The following ADAMTSL1 variants were observed in gnomAD, a reference collection of about 807,000 sequenced individuals.
ADAMTSL1 encodes ADAMTS-like protein 1.
In ADAMTSL1, 126 loss-of-function variants were observed where a neutral mutation model predicts 201.8. The ratio of observed to expected loss-of-function variants is 0.62; its 90% CI spans 0.54 to 0.72. ADAMTSL1 has a LOEUF of 0.72. Among genes scored for constraint, ADAMTSL1 ranks in the 30% least tolerant of loss-of-function variants. The pLI is 0.00. For missense variants in ADAMTSL1, 2,679 were observed against 2,277.8 expected (o/e 1.18, Z -3.59); for synonymous variants, 1,121 against 903.4 (o/e 1.24, Z -4.32).
intron 2 of ADAMTSL1, among the ~76,000 whole-genome samples, chr9:18,215,164 T>C (rs913183285): frequency 1.3e-5 from 2 of 152,220 alleles, no homozygotes; most frequent in Non-Finnish European, 2.9e-5. Flanking sequence ...GATTATGTTA[T>C]ATTTGAACAT....
chr9:18,746,935 A>T (rs1011117236), intron 15 of ADAMTSL1, among the ~76,000 whole-genome samples: 4 of 152,186 alleles, frequency 2.6e-5, no homozygotes, highest in African/African-American at 9.7e-5. Flanking sequence ...GCCTTTGCCC[A>T]TTTGGCTGCC....
At chr9:18,736,542 GA>G (rs1454695854) in intron 15 of ADAMTSL1, among the ~76,000 whole-genome samples, 2 of 152,140 alleles carry the variant, frequency 1.3e-5, no homozygotes, top group Non-Finnish European at 2.9e-5. Flanking sequence ...CCTTGATCTA[GA>G]AAAGAAAAAG....
chr9:18,151,937 A>G (rs908539302), intron 1 of ADAMTSL1, among the ~76,000 whole-genome samples: 1 of 152,068 alleles, frequency 6.6e-6, no homozygotes, highest in Non-Finnish European at 1.5e-5. Context: ...GAGTCAGTCA[A>G]GGTGGAAATA....
At chr9:18,003,591 T>C (rs1010649899) in intron 1 of ADAMTSL1, among the ~76,000 whole-genome samples, 5 of 152,086 alleles carry the variant, frequency 3.3e-5, no homozygotes, top group Non-Finnish European at 7.4e-5. Flanking sequence ...GTGTGGATGC[T>C]TGATGATAAA....
At chr9:18,666,018 A>G (rs981498529) in intron 9 of ADAMTSL1, among the ~76,000 whole-genome samples, 1 of 152,176 alleles carries the variant, frequency 6.6e-6, no homozygotes, top group Non-Finnish European at 1.5e-5. Context: ...TATACAGTAG[A>G]TACTTGGCAT....
chr9:18,104,534 C>T (rs539175909), intron 1 of ADAMTSL1, among the ~76,000 whole-genome samples: 1 of 152,190 alleles, frequency 6.6e-6, no homozygotes, highest in African/African-American at 2.4e-5. Context: ...GGGAGCTAAA[C>T]AGTAGGTACA....
chr9:18,343,537 A>G (rs1239346760), intron 2 of ADAMTSL1, among the ~76,000 whole-genome samples: 1 of 152,200 alleles, frequency 6.6e-6, no homozygotes, highest in Non-Finnish European at 1.5e-5. Context: ...CCTAGGGAAT[A>G]TATTTGTGTC....
chr9:18,680,892 T>C (rs1320719147), intron 11 of ADAMTSL1: 2 of 246,348 alleles, frequency 8.1e-6, no homozygotes, highest in South Asian at 6.0e-5. Flanking sequence ...GTATGTATTA[T>C]GCTTTGTATC....
intron 3 of ADAMTSL1, among the ~76,000 whole-genome samples, chr9:18,571,694 C>T (rs1016136335): frequency 1.3e-5 from 2 of 152,066 alleles, no homozygotes; most frequent in African/African-American, 2.4e-5. Context: ...AGGAAGGCTA[C>T]GTGTAGAGTT....
At chr9:18,582,461 A>T (rs1175688440) in intron 4 of ADAMTSL1, among the ~76,000 whole-genome samples, 1 of 152,288 alleles carries the variant, frequency 6.6e-6, no homozygotes, top group Non-Finnish European at 1.5e-5. Flanking sequence ...TGTGGGAGGA[A>T]CCCGGTGGGA....
At chr9:18,537,631 G>A (rs114921792) in intron 3 of ADAMTSL1, among the ~76,000 whole-genome samples, 2,340 of 152,148 alleles carry the variant, frequency 0.015, 45 homozygotes, top group African/African-American at 0.048. Context: ...ATGTTTTGGG[G>A]GTGGAGGGGT....
intron 2 of ADAMTSL1, among the ~76,000 whole-genome samples, chr9:18,271,189 A>G (rs999430388): frequency 2.0e-5 from 3 of 152,168 alleles, no homozygotes; most frequent in Non-Finnish European, 2.9e-5. Context: ...ATATACATAT[A>G]TATTTATTAT....
chr9:18,785,887 G>C (rs1370431948), intron 19 of ADAMTSL1, among the ~76,000 whole-genome samples: 1 of 152,132 alleles, frequency 6.6e-6, no homozygotes, highest in Non-Finnish European at 1.5e-5. Context: ...TACCAAATTA[G>C]GAAAAATTAC....
intron 25 of ADAMTSL1, among the ~76,000 whole-genome samples, chr9:18,890,974 C>G (rs1449293444): frequency 6.6e-6 from 1 of 152,084 alleles, no homozygotes; most frequent in Non-Finnish European, 1.5e-5. Context: ...TTTCAATGCC[C>G]CCGGGAGTTT....
At chr9:18,422,177 T>G (rs1399317949) in intron 2 of ADAMTSL1, among the ~76,000 whole-genome samples, 1 of 152,126 alleles carries the variant, frequency 6.6e-6, no homozygotes, top group Non-Finnish European at 1.5e-5. Flanking sequence ...TATTGAATAA[T>G]GTCATACACA....
chr9:18,820,738 C>T (rs1824159946), intron 21 of ADAMTSL1, among the ~76,000 whole-genome samples: 1 of 152,212 alleles, frequency 6.6e-6, no homozygotes, highest in Non-Finnish European at 1.5e-5. Flanking sequence ...GAAGCATCAA[C>T]AGCATTAGGC....
chr9:18,489,187 G>T (rs1033511177), intron 1 of ADAMTSL1, among the ~76,000 whole-genome samples: 9 of 152,078 alleles, frequency 5.9e-5, no homozygotes, highest in Admixed American at 3.3e-4. Flanking sequence ...TATTTAAAGG[G>T]TTCCAAAAAC....
chr9:18,017,448 G>T (rs1820305970), intron 1 of ADAMTSL1, among the ~76,000 whole-genome samples: 1 of 151,802 alleles, frequency 6.6e-6, no homozygotes, highest in Non-Finnish European at 1.5e-5. Flanking sequence ...GAAGCCTGTT[G>T]GGAAAAATTA....
chr9:18,879,933 A>C (rs1332336106), intron 23 of ADAMTSL1, among the ~76,000 whole-genome samples: 1 of 152,206 alleles, frequency 6.6e-6, no homozygotes, highest in East Asian at 1.9e-4. Flanking sequence ...AGTTTATATA[A>C]TATTCTAAAT....
Sources: gnomAD v4.1 joint callset for allele counts (sites outside exome capture counted in the v4.1 genomes callset) on GRCh38, gnomAD v4.1.1 for gene constraint, MANE v1.5 for transcripts, NCBI Gene and HGNC (gene_info 2026-07-23, HGNC 2026-07-21) for gene names.